The following POM121 variants were observed in gnomAD, a reference collection of about 807,000 sequenced individuals.
POM121 encodes the protein POM121 transmembrane nucleoporin.
POM121 carries 32 observed loss-of-function variants against 81.3 expected under a neutral mutation model. That is an observed-to-expected ratio of 0.39 (90% CI 0.30 to 0.53). The LOEUF (loss-of-function observed/expected upper bound fraction) is 0.53. Ranked by LOEUF, POM121 falls within the 20% of genes least tolerant of loss-of-function variation. POM121 has a pLI of 0.66. For missense variants in POM121, 1,138 were observed against 1,614.6 expected (o/e 0.70, Z 5.06); for synonymous variants, 514 against 694.2 (o/e 0.74, Z 4.08).
chr7:72,911,690 A>G lies in POM121; in HGVS notation c.-215-2075A>G, dbSNP rs559147988. The stretch of plus-strand genomic sequence containing the variant: ...TCAGCCTTTTCACTCCTTGCTGGAC[A>G]TGGAGTAGGACTATTGGGAGGATGA... On this transcript the variant is annotated intron_variant, in intron 3 of 15. Coordinates refer to the POM121 transcript ENST00000395270. Among the ~76,000 whole-genome samples, 1,133 of 152,220 alleles carry G rather than the reference A, an allele frequency of 7.4e-3. 2 individuals are homozygous for G. Among genetic ancestry groups the G allele is most frequent in the Admixed American group, 0.01 (158 of 15,280 alleles).
At chr7:72,895,449 C>T (rs1230206375) in intron 3 of POM121, among the ~76,000 whole-genome samples, 1 of 152,182 alleles carries the variant, frequency 6.6e-6, no homozygotes, top group African/African-American at 2.4e-5. Flanking sequence ...ACAGCTGTCT[C>T]CATTTTTCTG....
intron 1 of POM121, among the ~76,000 whole-genome samples, chr7:72,889,584 G>A (rs1472346549): frequency 6.6e-6 from 1 of 151,624 alleles, no homozygotes; most frequent in Non-Finnish European, 1.5e-5. Flanking sequence ...ACAGCTCACT[G>A]TAGCCTTGAC....
Position 72,930,090 on chromosome 7 carries a change from C to T in POM121, c.1254C>T (p.Ser418=). Residue 418 remains serine (S), a synonymous_variant, in exon 5 of 13, where the codon AGC becomes AGT. Transcript: ENST00000434423. ...GCAATGCCATTACCAGTTCCTACAG[C>T]TCCACTCGAGGCATCTCACAGGTAC... is the stretch of plus-strand genomic sequence containing the variant. The part of the protein sequence containing the change: ...SSRNAITSSY[S]STRGISQLWK... The T allele has an allele frequency of 6.2e-7, 1 of 1,612,706 alleles. No individual in the cohort carries two copies.
chr7:72,941,426 C>G (rs1435026039), intron 10 of POM121, among the ~76,000 whole-genome samples: 2 of 148,916 alleles, frequency 1.3e-5, no homozygotes, highest in Non-Finnish European at 3.0e-5. Flanking sequence ...GCGCACACCT[C>G]TTTATCAGAC....
Position 72,892,769 on chromosome 7 carries a change from G to A in POM121, c.-216+1659G>A, listed in dbSNP as rs182308549. ...CAGCCTCCCCCTCCCAGGTTCAAGCGATTCTCCTGCCTCAGCCTCCCAAAG... is the reference window on the plus strand; with the variant it reads ...CAGCCTCCCCCTCCCAGGTTCAAGCAATTCTCCTGCCTCAGCCTCCCAAAG... On this transcript the variant is annotated intron_variant, in intron 3 of 15. Coordinates refer to the POM121 transcript ENST00000395270. Among the ~76,000 whole-genome samples the A allele has an allele frequency of 2.4e-3, 365 of 151,990 alleles. 8 individuals carry two copies. The highest frequency in any genetic ancestry group is 0.022 in the Admixed American group (332 of 15,246).
chr7:72,926,303 G>C lies in POM121; in HGVS notation c.686G>C (p.Arg229Thr). Reference sequence around the variant, plus strand: ...CCAAATCGGTTTGTAATAACACCTAGAAGACGCTATCCGATCCATCAGGCC... The same window carrying C: ...CCAAATCGGTTTGTAATAACACCTACAAGACGCTATCCGATCCATCAGGCC... ...TLPNRFVITP[R>T]RRYPIHQAQY... The change falls in exon 2 of 13, where the codon AGA becomes ACA. Residue 229 changes from arginine to threonine, a missense_variant. By Grantham distance (71) the Arg-to-Thr change is moderately conservative (BLOSUM62 -1). Transcript: ENST00000434423. The C allele has an allele frequency of 6.3e-7, 1 of 1,588,180 alleles. No individual in the cohort carries two copies. The highest frequency in any genetic ancestry group is 1.1e-5 in the South Asian group (1 of 88,426).
intron 3 of POM121, among the ~76,000 whole-genome samples, chr7:72,905,863 T>G (rs1417191156): frequency 3.9e-5 from 6 of 152,220 alleles, no homozygotes; most frequent in African/African-American, 1.4e-4. Context: ...TTGCTGATTT[T>G]CTTTGCTGTT....
At chr7:72,910,967 T>C (rs1290916737) in intron 3 of POM121, among the ~76,000 whole-genome samples, 1 of 152,174 alleles carries the variant, frequency 6.6e-6, no homozygotes, top group Non-Finnish European at 1.5e-5. Flanking sequence ...TTTGATTGAT[T>C]GGATCGTTGC....
In POM121 at chr7:72,928,390, A is replaced by G. The variant is rs782142164; in HGVS notation, c.1028A>G (p.His343Arg). The change falls in exon 4 of 13, where the codon CAT becomes CGT. Residue 343 changes from histidine to arginine, a missense_variant. Coordinates refer to ENST00000434423, the MANE Select transcript of POM121 (RefSeq NM_001387691.1). Reference sequence around the variant, plus strand: ...ACTTTTTTGATTTGTCGCAGGCGCCATGATAGCAGTGGCAGTGGACATTCA... The same window carrying G: ...ACTTTTTTGATTTGTCGCAGGCGCCGTGATAGCAGTGGCAGTGGACATTCA... ...LDGQENKRRR[H>R]DSSGSGHSAF... 7.4e-6 allele frequency: 12 copies of G among 1,614,246 alleles called. No homozygotes were observed. The highest frequency in any genetic ancestry group is 8.5e-6 in the Non-Finnish European group (10 of 1,180,040).
At chr7:72,894,927 G>A (rs1191420532) in intron 3 of POM121, among the ~76,000 whole-genome samples, 1 of 152,090 alleles carries the variant, frequency 6.6e-6, no homozygotes, top group South Asian at 2.1e-4. Context: ...TCCTGGGCTC[G>A]AGCAACCCTC....
chr7:72,890,892 A>G, intron 2 of POM121: 2 of 1,112,860 alleles, frequency 1.8e-6, no homozygotes, highest in South Asian at 1.4e-5. Flanking sequence ...GAAAGGTTCT[A>G]ACTTTGATAA....
chr7:72,912,390 A>G (rs1554494396), intron 3 of POM121, among the ~76,000 whole-genome samples: 1 of 152,156 alleles, frequency 6.6e-6, no homozygotes, highest in African/African-American at 2.4e-5. Flanking sequence ...GAGACACGGG[A>G]GAGAGGGGAC....
chr7:72,900,389 G>A lies in POM121; in HGVS notation c.-216+9279G>A, dbSNP rs553234947. Among the ~76,000 whole-genome samples the A allele has an allele frequency of 1.0e-3, 155 of 149,120 alleles. 1 individual carries two copies. Among genetic ancestry groups the A allele is most frequent in the Admixed American group, 1.5e-3 (23 of 14,844 alleles). On this transcript the variant is annotated intron_variant, in intron 3 of 15. Coordinates refer to the POM121 transcript ENST00000395270. ...TTGCTTTTTTTTTTTTCTTTGATTA[G>A]TCTGGCTAGGGATTTCTTATTTTTA...
intron 5 of POM121, among the ~76,000 whole-genome samples, chr7:72,936,559 C>G (rs751485104): frequency 7.2e-5 from 11 of 152,158 alleles, no homozygotes; most frequent in Non-Finnish European, 1.5e-4. Context: ...TTACAGGCGT[C>G]AGCCACCGTG....
intron 3 of POM121, 119 bp downstream of exon 3, chr7:72,927,082 C>T (rs782490608): frequency 3.9e-5 from 58 of 1,496,510 alleles, no homozygotes; most frequent in Non-Finnish European, 5.1e-5. Flanking sequence ...CGTAGGCCCC[C>T]TTCTTTGGCT....
rs1586167861 is a variant in POM121, at chr7:72,934,888, C to G, written c.1276-3702C>G. ...TTTGTTCCATTGGTCTATTTTTCTA[C>G]CTACCCTTGTGCCAGTCTTTGTTTT... is the stretch of plus-strand genomic sequence containing the variant. On this transcript the variant is annotated intron_variant, in intron 5 of 12. Transcript: ENST00000434423. Among the ~76,000 whole-genome samples the G allele has an allele frequency of 2.0e-5, 3 of 152,224 alleles. 1 individual carries two copies. Among genetic ancestry groups the G allele is most frequent in the Admixed American group, 2.0e-4 (3 of 15,294 alleles).
intron 1 of POM121, among the ~76,000 whole-genome samples, chr7:72,883,411 C>T (rs1790361658): frequency 6.6e-6 from 1 of 152,172 alleles, no homozygotes; most frequent in African/African-American, 2.4e-5. Context: ...ACTTTGGCCT[C>T]CCAAAGTGGT....
At chr7:72,948,755 C>A (rs782279205), downstream of POM121, 7 of 1,575,108 alleles carry the variant, frequency 4.4e-6, no homozygotes, top group Admixed American at 3.3e-5. Context: ...GTGCTCGGCA[C>A]CCGGGAACGT....
chr7:72,926,698 A>G (rs777871030), intron 2 of POM121, 104 bp from the exon 3 acceptor site: 6 of 1,515,640 alleles, frequency 4.0e-6, no homozygotes, highest in East Asian at 2.3e-5. Context: ...TATAAATTAT[A>G]CTTTGGCCTG....
Sources: allele counts gnomAD v4.1 joint callset (sites outside exome capture counted in the v4.1 genomes callset), GRCh38; gene constraint gnomAD v4.1.1; transcripts MANE v1.5; gene names NCBI Gene and HGNC (gene_info 2026-07-23, HGNC 2026-07-21).